The following TMX2 variants were observed in gnomAD, a reference collection of about 807,000 sequenced individuals.
The protein encoded by TMX2 is thioredoxin-related transmembrane protein 2.
TMX2 carries 20 observed loss-of-function variants against 33.4 expected under a neutral mutation model. That is an observed-to-expected ratio of 0.60 (90% confidence interval 0.42 to 0.87). The LOEUF (loss-of-function observed/expected upper bound fraction) is 0.87. TMX2 is among the 40% of genes least tolerant of loss of function. TMX2 has a pLI of 0.00. For missense variants in TMX2, 340 were observed against 370.7 expected, an observed-to-expected ratio of 0.92 and a Z score of 0.68; for synonymous variants, 166 against 140.7, an observed-to-expected ratio of 1.18 and a Z score of -1.27.
chr11:57,732,108 ATG>A (rs1372923969), intron 1 of TMX2, among the ~76,000 whole-genome samples: 1 of 152,192 alleles, frequency 6.6e-6, no homozygotes, highest in African/African-American at 2.4e-5. Flanking sequence ...CTCTTTATTC[ATG>A]TGTCTTTTTC....
intron 1 of TMX2, among the ~76,000 whole-genome samples, chr11:57,721,914 T>G (rs1231893968): frequency 1.3e-5 from 2 of 152,214 alleles, no homozygotes; most frequent in Non-Finnish European, 2.9e-5. Context: ...GGATTGGACT[T>G]GCCCAGGACT....
Position 57,737,493 on chromosome 11 carries a change from G to A in TMX2, c.190-115G>A. 3.7e-6 allele frequency: 3 copies of A among 801,644 alleles called. No homozygotes were observed. The South Asian group carries it at 4.7e-5, about 13-fold the overall frequency. 49.7% of individuals were successfully genotyped at this position (801,644 alleles called of 1,614,324 possible). A position where few individuals can be genotyped will look rare whatever the true frequency, so the allele number is the denominator to read the frequency against. ...CCTTACCTAACTGCAGTTCTTTATTGTTCCCATTCCCAGTTTGGATCGCTA... is the reference window on the plus strand; with the variant it reads ...CCTTACCTAACTGCAGTTCTTTATTATTCCCATTCCCAGTTTGGATCGCTA... On this transcript the variant is annotated intron_variant, in intron 1 of 7. Transcript: ENST00000278422.
At chr11:57,713,322 G>C (rs1946756928) in intron 1 of TMX2, among the ~76,000 whole-genome samples, 1 of 152,124 alleles carries the variant, frequency 6.6e-6, no homozygotes, top group South Asian at 2.1e-4. Flanking sequence ...ACTGTCAGCC[G>C]CTTCTTAATT....
chr11:57,738,716 A>G lies in TMX2; in HGVS notation c.494A>G (p.Asn165Ser), dbSNP rs771494779. The change falls in exon 5 of 8, where the codon AAT (asparagine) becomes AGT (serine). Residue 165 changes from asparagine (N) to serine (S), a missense_variant. This residue lies in a region of TMX2 where 209 missense variants were observed against 241.6 expected (regional missense o/e 0.87). Transcript: ENST00000278422. ...ACTTGGATTGTGGAGTTCTTTGCCAATTGGTCTAATGACTGCCAATCATTT... is the reference window on the plus strand; with the variant it reads ...ACTTGGATTGTGGAGTTCTTTGCCAGTTGGTCTAATGACTGCCAATCATTT... ...RVTWIVEFFA[N>S]WSNDCQSFAP... 30 of 1,614,066 alleles carry G rather than the reference A, an allele frequency of 1.9e-5. No homozygotes were observed. The highest frequency in any genetic ancestry group is 7.7e-5 in the South Asian group (7 of 91,092).
intron 7 of TMX2, 25 bp downstream of exon 7, chr11:57,739,285 A>G: frequency 6.2e-7 from 1 of 1,613,850 alleles, no homozygotes; most frequent in Non-Finnish European, 8.5e-7. Context: ...GGGCAGGTGC[A>G]TGAAGGGTGC....
At chr11:57,717,596 G>A (rs1359211177) in intron 1 of TMX2, among the ~76,000 whole-genome samples, 1 of 152,054 alleles carries the variant, frequency 6.6e-6, no homozygotes, top group East Asian at 1.9e-4. Context: ...GCAGGCACTC[G>A]GTGGGCTGAG....
chr11:57,728,990 A>G (rs1948178630), intron 1 of TMX2, among the ~76,000 whole-genome samples: 1 of 152,046 alleles, frequency 6.6e-6, no homozygotes, highest in South Asian at 2.1e-4. Flanking sequence ...ACCTCTGGAG[A>G]GAGACACTTA....
At chr11:57,729,742 T>A (rs1249558360) in intron 1 of TMX2, among the ~76,000 whole-genome samples, 1 of 152,206 alleles carries the variant, frequency 6.6e-6, no homozygotes, top group African/African-American at 2.4e-5. Flanking sequence ...TAAGTCTATA[T>A]ATTTATGTGT....
intron 1 of TMX2, among the ~76,000 whole-genome samples, chr11:57,736,906 A>T (rs867050331): frequency 6.8e-6 from 1 of 146,366 alleles, no homozygotes; most frequent in East Asian, 2.0e-4. Context: ...AAAATTAAAC[A>T]TGTGGAATAG....
intron 1 of TMX2, among the ~76,000 whole-genome samples, chr11:57,726,652 C>T (rs1300188646): frequency 6.6e-6 from 1 of 152,122 alleles, no homozygotes; most frequent in African/African-American, 2.4e-5. Flanking sequence ...GTGACAAAAC[C>T]TTTTCTCCCA....
rs1415480251 is a variant in TMX2 at position 57,717,919 on chromosome 11, A to T, written c.189+5112A>T. 6.1e-6 allele frequency: 4 copies of T among 653,360 alleles called. No homozygotes were observed. The East Asian group carries it at 1.0e-4, about 17-fold the overall frequency. The allele number at this position is 653,360 out of a possible 1,614,324, so 40.5% of individuals were successfully genotyped here. On this transcript the variant is annotated intron_variant, in intron 1 of 7. Coordinates refer to ENST00000278422, the MANE Select transcript of TMX2 (RefSeq NM_015959.4). ...CAAGGAAAACACGGAACCCAAAGGGAACTGCAGTGAGAGCACAAAGATTCT... is the reference window on the plus strand; with the variant it reads ...CAAGGAAAACACGGAACCCAAAGGGTACTGCAGTGAGAGCACAAAGATTCT...
At chr11:57,718,653 C>CTTTTT (rs35097323) in intron 1 of TMX2, 8 of 208,966 alleles carry the variant, frequency 3.8e-5, no homozygotes, top group Non-Finnish European at 7.0e-5. Context: ...AACCCCCCCT[C>CTTTTT]TTTTTTTTTT....
At chr11:57,724,813 G>T (rs1590933436) in intron 1 of TMX2, among the ~76,000 whole-genome samples, 1 of 152,230 alleles carries the variant, frequency 6.6e-6, no homozygotes, top group East Asian at 1.9e-4. Context: ...GCTGAGGCGG[G>T]TGGATCACAA....
intron 1 of TMX2, among the ~76,000 whole-genome samples, chr11:57,719,286 C>T (rs910042668): frequency 2.0e-5 from 3 of 148,914 alleles, no homozygotes; most frequent in Non-Finnish European, 3.0e-5. Flanking sequence ...CCAGCTGCCT[C>T]GGCCTCCCAA....
At chr11:57,730,485 C>T (rs1948303431) in intron 1 of TMX2, among the ~76,000 whole-genome samples, 1 of 147,186 alleles carries the variant, frequency 6.8e-6, no homozygotes, top group African/African-American at 2.5e-5. Flanking sequence ...GCCTGTAATC[C>T]CAGCACTTTG....
chr11:57,720,485 C>T (rs753640580), intron 1 of TMX2, among the ~76,000 whole-genome samples: 1 of 152,242 alleles, frequency 6.6e-6, no homozygotes, highest in Non-Finnish European at 1.5e-5. Flanking sequence ...TCACTGCAAC[C>T]TCTGCCTCCA....
chr11:57,716,189 C>G (rs79430588), intron 1 of TMX2, among the ~76,000 whole-genome samples: 20 of 149,174 alleles, frequency 1.3e-4, no homozygotes, highest in African/African-American at 3.7e-4. Flanking sequence ...CCTCCCGGAC[C>G]GGGCGGCTGG....
chr11:57,738,367 G>A lies in TMX2; in HGVS notation c.378G>A (p.Thr126=), dbSNP rs754797907. 5 of 1,609,262 alleles carry A rather than the reference G, an allele frequency of 3.1e-6. No individual in the cohort carries two copies. The highest frequency in any genetic ancestry group is 1.7e-5 in the Admixed American group (1 of 59,944). Residue 126 remains threonine, a synonymous_variant, in exon 4 of 8, where the codon ACG becomes ACA. Coordinates refer to ENST00000278422, the MANE Select transcript of TMX2 (RefSeq NM_015959.4). The part of the protein sequence containing the change: ...YITLCIVFLM[T]CKPPLYMGPE... ...TTCTGTATTTAGTGTTCCTGATGAC[G>A]TGCAAACCCCCCCTATATATGGGCC...
chr11:57,712,760 G>C lies in TMX2; in HGVS notation c.142G>C (p.Gly48Arg), dbSNP rs111605325. ...GAGGAAACTGCCGCCGCTCTGCCACGGTCTGCCCACCCAACGCGAAGACGG... is the reference window on the plus strand; with the variant it reads ...GAGGAAACTGCCGCCGCTCTGCCACCGTCTGCCCACCCAACGCGAAGACGG... The part of the protein sequence containing the change: ...LVRKLPPLCH[G>R]LPTQREDGNP... The change falls in exon 1 of 8, where the codon GGT becomes CGT. Residue 48 changes from glycine to arginine, a missense_variant. By Grantham distance (125) the Gly-to-Arg change is moderately radical. Coordinates refer to ENST00000278422, the MANE Select transcript of TMX2 (RefSeq NM_015959.4). The C allele has an allele frequency of 4.2e-3, 6,775 of 1,614,112 alleles. 23 individuals are homozygous for C. Among genetic ancestry groups the C allele is most frequent in the Non-Finnish European group, 4.9e-3 (5,839 of 1,180,024 alleles).
Sources: gnomAD v4.1 joint callset for allele counts (sites outside exome capture counted in the v4.1 genomes callset) on GRCh38, gnomAD v4.1.1 for gene constraint, gnomAD v4.1.1 regional missense constraint, MANE v1.5 for transcripts, NCBI Gene and HGNC (gene_info 2026-07-23, HGNC 2026-07-21) for gene names.